The following ZFPM2 variants were observed in gnomAD, a reference collection of about 807,000 sequenced individuals.
ZFPM2 encodes zinc finger protein, FOG family member 2, also known as zinc finger protein ZFPM2.
A neutral mutation model predicts 98.6 loss-of-function variants in ZFPM2; 20 were observed. The ratio of observed to expected loss-of-function variants is 0.20; its 90% CI spans 0.14 to 0.29. The LOEUF is 0.29. Ranked by LOEUF, ZFPM2 falls within the 10% of genes least tolerant of loss-of-function variation. The pLI is 1.00. For missense variants in ZFPM2, 1,310 were observed against 1,388.6 expected (o/e 0.94, Z 0.90); for synonymous variants, 518 against 502.7 (o/e 1.03, Z -0.41).
intron 3 of ZFPM2, among the ~76,000 whole-genome samples, chr8:105,446,124 A>G (rs538513076): frequency 2.0e-5 from 3 of 152,008 alleles, no homozygotes; most frequent in East Asian, 3.9e-4. Context: ...GTTTCACCAT[A>G]TTAGTCAGGA....
At chr8:105,319,061 G>C in intron 1 of ZFPM2, 80 bp downstream of exon 1, 1 of 1,434,012 alleles carries the variant, frequency 7.0e-7, no homozygotes, top group East Asian at 3.0e-5. Flanking sequence ...GCGGTGGGTG[G>C]GTGGCGGGGC....
At chr8:105,762,009 A>T (rs1812743575) in intron 5 of ZFPM2, among the ~76,000 whole-genome samples, 1 of 151,924 alleles carries the variant, frequency 6.6e-6, no homozygotes, top group Admixed American at 6.6e-5. Flanking sequence ...CCCATAAAAC[A>T]TATATGTATT....
intron 1 of ZFPM2, among the ~76,000 whole-genome samples, chr8:105,384,363 A>G (rs1810944175): frequency 6.6e-6 from 1 of 152,184 alleles, no homozygotes; most frequent in Non-Finnish European, 1.5e-5. Context: ...TGATGATTGC[A>G]TAAATGACAA....
intron 5 of ZFPM2, among the ~76,000 whole-genome samples, chr8:105,669,132 C>T (rs1817541845): frequency 6.6e-6 from 1 of 151,926 alleles, no homozygotes; most frequent in Non-Finnish European, 1.5e-5. Context: ...GACTATATTG[C>T]AAGCAAATGT....
chr8:105,480,572 T>C (rs558109614), intron 3 of ZFPM2, among the ~76,000 whole-genome samples: 1 of 152,240 alleles, frequency 6.6e-6, no homozygotes, highest in South Asian at 2.1e-4. Context: ...AATCAAAAAC[T>C]ATTTATTGAA....
chr8:105,562,265 G>A (rs1377738011), intron 4 of ZFPM2, among the ~76,000 whole-genome samples: 6 of 151,980 alleles, frequency 3.9e-5, no homozygotes, highest in African/African-American at 1.2e-4. Context: ...ATCCAAGATC[G>A]TGCCATTGCA....
intron 3 of ZFPM2, among the ~76,000 whole-genome samples, chr8:105,452,111 G>C (rs35213769): frequency 6.6e-6 from 1 of 152,122 alleles, no homozygotes; most frequent in South Asian, 2.1e-4. Context: ...AAACAAACTA[G>C]AAATCATACA....
intron 4 of ZFPM2, among the ~76,000 whole-genome samples, chr8:105,584,130 C>T (rs1394553665): frequency 6.6e-6 from 1 of 151,578 alleles, no homozygotes; most frequent in South Asian, 2.1e-4. Flanking sequence ...TGTGCAGATG[C>T]AAAATTATTA....
chr8:105,478,079 A>C (rs1813045449), intron 3 of ZFPM2, among the ~76,000 whole-genome samples: 2 of 152,338 alleles, frequency 1.3e-5, no homozygotes, highest in South Asian at 4.1e-4. Context: ...AGCAACAATG[A>C]GTCATTTGAC....
At chr8:105,689,193 C>A (rs1330794659) in intron 5 of ZFPM2, among the ~76,000 whole-genome samples, 1 of 152,102 alleles carries the variant, frequency 6.6e-6, no homozygotes, top group African/African-American at 2.4e-5. Context: ...CCACCTCAAC[C>A]AAGTTAATTA....
chr8:105,507,583 G>T (rs1813729203), intron 3 of ZFPM2, among the ~76,000 whole-genome samples: 2 of 152,316 alleles, frequency 1.3e-5, no homozygotes, highest in South Asian at 4.1e-4. Context: ...ATTATAAACT[G>T]TAAAGAGCAA....
chr8:105,489,446 TTTTA>T (rs1156979730), intron 3 of ZFPM2, among the ~76,000 whole-genome samples: 984 of 74,688 alleles, frequency 0.013, 7 homozygotes, highest in East Asian at 0.017. Context: ...AGATATATGT[TTTTA>T]TATATATATA....
intron 5 of ZFPM2, among the ~76,000 whole-genome samples, chr8:105,650,319 A>G (rs1817144943): frequency 1.3e-5 from 2 of 152,044 alleles, no homozygotes; most frequent in South Asian, 2.1e-4. Context: ...GATCTTCTCA[A>G]AAAACCAGCT....
chr8:105,588,701 A>G (rs1815778905), intron 4 of ZFPM2, among the ~76,000 whole-genome samples: 3 of 152,170 alleles, frequency 2.0e-5, no homozygotes, highest in Non-Finnish European at 1.5e-5. Flanking sequence ...ATTCTTTTGC[A>G]GTAGGGCCTT....
intron 5 of ZFPM2, among the ~76,000 whole-genome samples, chr8:105,705,524 C>T (rs139134229): frequency 1.3e-5 from 2 of 152,218 alleles, no homozygotes; most frequent in East Asian, 3.9e-4. Context: ...ATAAGTAGTA[C>T]TTCTCATTCC....
chr8:105,471,166 C>T (rs952466292), intron 3 of ZFPM2, among the ~76,000 whole-genome samples: 1 of 152,156 alleles, frequency 6.6e-6, no homozygotes, highest in African/African-American at 2.4e-5. Context: ...CTGTTTCCAT[C>T]TCTGAATTTT....
At chr8:105,656,427 A>G (rs1376027437) in intron 5 of ZFPM2, among the ~76,000 whole-genome samples, 1 of 152,198 alleles carries the variant, frequency 6.6e-6, no homozygotes, top group African/African-American at 2.4e-5. Flanking sequence ...TATTTTTATA[A>G]TTACCTCATA....
At chr8:105,488,823 A>T (rs1169435466) in intron 3 of ZFPM2, among the ~76,000 whole-genome samples, 4 of 152,094 alleles carry the variant, frequency 2.6e-5, no homozygotes, top group Non-Finnish European at 5.9e-5. Flanking sequence ...AGGAAAAGAG[A>T]TTCTATGTGA....
intron 1 of ZFPM2, chr8:105,418,924 TG>T: frequency 1.7e-6 from 1 of 594,734 alleles, no homozygotes; most frequent in Non-Finnish European, 3.0e-6. Flanking sequence ...TTGCTTTCTG[TG>T]TTATAACTTC....
Sources: allele counts gnomAD v4.1 joint callset (sites outside exome capture counted in the v4.1 genomes callset), GRCh38; gene constraint gnomAD v4.1.1; transcripts MANE v1.5; gene names NCBI Gene and HGNC (gene_info 2026-07-23, HGNC 2026-07-21).